PLEKHA2: variants seen among roughly 807,000 people sequenced by gnomAD.
PLEKHA2 encodes the protein pleckstrin homology domain-containing family A member 2.
In PLEKHA2, 28 loss-of-function variants were observed where a neutral mutation model predicts 53.2. The ratio of observed to expected loss-of-function variants is 0.53; its 90% confidence interval spans 0.39 to 0.72. The LOEUF (loss-of-function observed/expected upper bound fraction) is 0.72, where lower values mean the gene tolerates loss of function less well. Ranked by LOEUF, PLEKHA2 falls within the 30% of genes least tolerant of loss-of-function variation. The probability of loss-of-function intolerance (pLI) is 0.00; values close to 1 mark genes in which losing one functional copy is unlikely to be tolerated. For missense variants in PLEKHA2, 426 were observed against 537.9 expected (o/e 0.79, Z 2.06); for synonymous variants, 193 against 196.4 (o/e 0.98, Z 0.14).
At position 38,933,790 on chromosome 8, in the gene PLEKHA2, A is replaced by AAAAAAAAAAAAAAAAAAAAG. The variant is rs71216697; in HGVS notation, c.142-2200_142-2199insAAAAAAAAAAAAAAAGAAAA. On this transcript the variant is annotated intron_variant, in intron 2 of 11. Transcript: ENST00000617275. ...AATAGAGGTTTCCTAAAAAAAAAAA[A>AAAAAAAAAAAAAAAAAAAAG]AAAAGAAAAGAAAGAAAAGCAGTCG... is the stretch of plus-strand genomic sequence containing the variant. 2.7e-3 allele frequency among the ~76,000 whole-genome samples: 247 copies of AAAAAAAAAAAAAAAAAAAAG among 90,514 alleles called. 15 individuals carry two copies. The highest frequency in any genetic ancestry group is 4.6e-3 in the Non-Finnish European group (186 of 40,694). The allele number at this position is 90,514 out of a possible 152,430, so 59.4% of individuals were successfully genotyped here. A position where few individuals can be genotyped will look rare whatever the true frequency, so the allele number is the denominator to read the frequency against.
chr8:38,953,254 C>T, intron 8 of PLEKHA2, 43 bp from the exon 9 acceptor site: 2 of 1,505,232 alleles, frequency 1.3e-6, no homozygotes, highest in East Asian at 2.3e-5. Flanking sequence ...CGTGATATGA[C>T]ACAGACAGCC....
chr8:38,916,404 C>T (rs1482627599), intron 1 of PLEKHA2, among the ~76,000 whole-genome samples: 1 of 152,106 alleles, frequency 6.6e-6, no homozygotes, highest in African/African-American at 2.4e-5. Flanking sequence ...TCCCCATTTC[C>T]CCCCAGCCCC....
chr8:38,935,007 G>A (rs1834467267), intron 2 of PLEKHA2, among the ~76,000 whole-genome samples: 1 of 152,142 alleles, frequency 6.6e-6, no homozygotes, highest in Non-Finnish European at 1.5e-5. Context: ...GCTCTTAAAT[G>A]TATTTATTTA....
At chr8:38,929,395 G>A (rs374684415) in intron 2 of PLEKHA2, among the ~76,000 whole-genome samples, 6 of 152,348 alleles carry the variant, frequency 3.9e-5, no homozygotes, top group African/African-American at 1.2e-4. Context: ...CTCTTTTGGT[G>A]TAACCCTGCT....
At chr8:38,946,273 G>A (rs1834713192) in intron 5 of PLEKHA2, 52 bp downstream of exon 5, 1 of 1,470,646 alleles carries the variant, frequency 6.8e-7, no homozygotes, top group South Asian at 1.2e-5. Context: ...CCTCTTCCCA[G>A]GCTATGGCCT....
intron 3 of PLEKHA2, among the ~76,000 whole-genome samples, chr8:38,939,866 G>A (rs1489545806): frequency 4.6e-5 from 7 of 151,642 alleles, no homozygotes; most frequent in African/African-American, 9.7e-5. Context: ...TGGGAGGATC[G>A]CTTGAGGCCA....
At chr8:38,916,175 C>T (rs1834056759) in intron 1 of PLEKHA2, among the ~76,000 whole-genome samples, 1 of 152,082 alleles carries the variant, frequency 6.6e-6, no homozygotes, top group Non-Finnish European at 1.5e-5. Context: ...CGAGGTTTCA[C>T]CATGTTGGCC....
At chr8:38,957,056 G>A (rs2129423319) in intron 9 of PLEKHA2, among the ~76,000 whole-genome samples, 1 of 152,268 alleles carries the variant, frequency 6.6e-6, no homozygotes, top group Middle Eastern at 3.4e-3. Context: ...GGTTTTGGAG[G>A]GAAAGGAGCT....
At chr8:38,923,819 T>C (rs1391574443) in intron 2 of PLEKHA2, among the ~76,000 whole-genome samples, 1 of 152,180 alleles carries the variant, frequency 6.6e-6, no homozygotes, top group Non-Finnish European at 1.5e-5. Context: ...TTGCAGAGCA[T>C]TTTGTGGGTT....
chr8:38,958,468 C>T (rs190812127), intron 10 of PLEKHA2, among the ~76,000 whole-genome samples: 200 of 152,356 alleles, frequency 1.3e-3, no homozygotes, highest in Admixed American at 2.4e-3. Context: ...TAAGCAACCT[C>T]CCTTCCCCAA....
At chr8:38,963,518 A>G (rs1835076900) in intron 10 of PLEKHA2, among the ~76,000 whole-genome samples, 1 of 152,198 alleles carries the variant, frequency 6.6e-6, no homozygotes, top group Non-Finnish European at 1.5e-5. Context: ...TAATTTTTGC[A>G]TACAATTTTG....
intron 1 of PLEKHA2, 86 bp from the exon 2 acceptor site, chr8:38,917,821 G>A: frequency 6.9e-7 from 1 of 1,450,542 alleles, no homozygotes; most frequent in Non-Finnish European, 9.3e-7. Context: ...GAGAGTCTCA[G>A]CCCAGCTTCT....
At chr8:38,956,974 G>A (rs1834953087) in intron 9 of PLEKHA2, among the ~76,000 whole-genome samples, 1 of 152,166 alleles carries the variant, frequency 6.6e-6, no homozygotes, top group Non-Finnish European at 1.5e-5. Context: ...ATACACCTTA[G>A]AGGGAAGGAG....
intron 5 of PLEKHA2, among the ~76,000 whole-genome samples, chr8:38,948,085 C>CA (rs386412587): frequency 0.13 from 15,125 of 118,902 alleles, 1,172 homozygotes; most frequent in East Asian, 0.33. Context: ...GACTCCATCT[C>CA]AAAAAAAAAA....
At chr8:38,959,201 G>A (rs1834999441) in intron 10 of PLEKHA2, among the ~76,000 whole-genome samples, 1 of 152,104 alleles carries the variant, frequency 6.6e-6, no homozygotes, top group Non-Finnish European at 1.5e-5. Flanking sequence ...CCATAAGCAG[G>A]TCGCCTCACC....
chr8:38,969,558 C>T lies in PLEKHA2; in HGVS notation c.1053C>T (p.Ala351=). The part of the protein sequence containing the change: ...KKALCKAPSV[A]SSWQPWTPVP... ...CCCTCTGCAAAGCCCCCTCTGTGGC[C>T]TCCTCCTGGCAGCCCTGGACACCTG... is the stretch of plus-strand genomic sequence containing the variant. The change falls in exon 12 of 12, where the codon GCC becomes GCT. Residue 351 remains alanine, a synonymous_variant. Transcript: ENST00000617275. The T allele has an allele frequency of 1.2e-6, 2 of 1,612,000 alleles. No homozygotes were observed. The highest frequency in any genetic ancestry group is 8.5e-7 in the Non-Finnish European group (1 of 1,179,006).
At chr8:38,930,783 T>C (rs929809314) in intron 2 of PLEKHA2, among the ~76,000 whole-genome samples, 4 of 152,192 alleles carry the variant, frequency 2.6e-5, no homozygotes, top group Admixed American at 6.5e-5. Flanking sequence ...TGTGGGCTGC[T>C]GGCTGGCGTA....
intron 9 of PLEKHA2, among the ~76,000 whole-genome samples, chr8:38,954,055 C>T (rs1564148465): frequency 6.6e-6 from 1 of 152,174 alleles, no homozygotes; most frequent in Non-Finnish European, 1.5e-5. Context: ...CATCCAAAAA[C>T]CCTTTTTCTG....
At chr8:38,954,884 A>G (rs1378331244) in intron 9 of PLEKHA2, among the ~76,000 whole-genome samples, 2 of 151,920 alleles carry the variant, frequency 1.3e-5, no homozygotes, top group Admixed American at 6.6e-5. Context: ...AATACAAAAA[A>G]TTAGCCGGGC....
Sources: allele counts gnomAD v4.1 joint callset (sites outside exome capture counted in the v4.1 genomes callset), GRCh38; gene constraint gnomAD v4.1.1; transcripts MANE v1.5; gene names NCBI Gene and HGNC (gene_info 2026-07-23, HGNC 2026-07-21).